The following ABCB1 variants were observed in gnomAD, a reference collection of about 807,000 sequenced individuals.
The protein encoded by ABCB1 is ATP-dependent translocase ABCB1.
Under a neutral mutation model 142.0 loss-of-function variants are expected in ABCB1, and 69 were observed. That is an observed-to-expected ratio of 0.49 (90% CI 0.40 to 0.59). The LOEUF (loss-of-function observed/expected upper bound fraction) is 0.59. Ranked by LOEUF, ABCB1 falls within the 20% of genes least tolerant of loss-of-function variation. The pLI is 0.00. For missense variants in ABCB1, 1,326 were observed against 1,554.7 expected (o/e 0.85, Z 2.47); for synonymous variants, 532 against 539.2 (o/e 0.99, Z 0.18).
At chr7:87,536,759 G>A (rs925612319) in intron 19 of ABCB1, among the ~76,000 whole-genome samples, 5 of 152,112 alleles carry the variant, frequency 3.3e-5, no homozygotes, top group Admixed American at 1.3e-4. Flanking sequence ...TTTCTCCTAC[G>A]CATGATTTCT....
chr7:87,666,297 GTGTC>G (rs923790889), intron 1 of ABCB1, among the ~76,000 whole-genome samples: 35 of 152,094 alleles, frequency 2.3e-4, no homozygotes, highest in African/African-American at 8.0e-4. Context: ...CCTTTGAAAA[GTGTC>G]TGTTCATGTC....
chr7:87,564,006 C>T (rs889039298), intron 7 of ABCB1: 1 of 278,862 alleles, frequency 3.6e-6, no homozygotes, highest in African/African-American at 2.3e-5. Flanking sequence ...CACACTGGGG[C>T]CTATTAGAGG....
At chr7:87,517,430 C>T (rs1054146167) in intron 23 of ABCB1, among the ~76,000 whole-genome samples, 2 of 152,120 alleles carry the variant, frequency 1.3e-5, no homozygotes, top group Non-Finnish European at 2.9e-5. Flanking sequence ...GAGGATGAGG[C>T]ACACATGGAG....
intron 21 of ABCB1, among the ~76,000 whole-genome samples, chr7:87,529,717 C>A (rs1815946801): frequency 6.6e-6 from 1 of 152,236 alleles, no homozygotes; most frequent in African/African-American, 2.4e-5. Context: ...ACACTGTTAA[C>A]TAGAATGCTT....
At chr7:87,522,645 T>C (rs1227400041) in intron 21 of ABCB1, among the ~76,000 whole-genome samples, 1 of 152,168 alleles carries the variant, frequency 6.6e-6, no homozygotes, top group African/African-American at 2.4e-5. Flanking sequence ...CTGTGGAAAG[T>C]GTAAAGCATT....
intron 1 of ABCB1, among the ~76,000 whole-genome samples, chr7:87,698,992 C>T (rs1409740151): frequency 1.3e-5 from 2 of 152,138 alleles, no homozygotes; most frequent in East Asian, 3.9e-4. Context: ...AATTCAAATG[C>T]TTACATCTTC....
In ABCB1 at chr7:87,519,480, A is replaced by G. The variant is rs778650321; in HGVS notation, c.2787-14T>C. 9.9e-6 allele frequency: 16 copies of G among 1,613,892 alleles called. No homozygotes were observed. Among genetic ancestry groups the G allele is most frequent in the Non-Finnish European group, 1.4e-5 (16 of 1,179,918 alleles). ...CTCAAAGAGTTTCTGAAAAGAAGAC[A>G]TTTGAAAACTCATTCCACTTTCATT... On this transcript the variant is annotated splice_polypyrimidine_tract_variant and intron_variant, in intron 22 of 27. Coordinates refer to ENST00000622132, the MANE Select transcript of ABCB1 (RefSeq NM_001348946.2).
chr7:87,548,036 AAGAT>A (rs1178416633), intron 14 of ABCB1, among the ~76,000 whole-genome samples: 30 of 147,238 alleles, frequency 2.0e-4, no homozygotes, highest in Admixed American at 6.1e-4. Flanking sequence ...AAGATAAGAT[AAGAT>A]AAGAAAAGAA....
chr7:87,586,280 T>C (rs927660238), intron 3 of ABCB1, among the ~76,000 whole-genome samples: 7 of 152,196 alleles, frequency 4.6e-5, no homozygotes, highest in African/African-American at 1.4e-4. Context: ...ATGACCCACG[T>C]TGGAGATCTG....
intron 1 of ABCB1, among the ~76,000 whole-genome samples, chr7:87,624,660 C>A (rs1169715168): frequency 6.6e-6 from 1 of 151,970 alleles, no homozygotes; most frequent in African/African-American, 2.4e-5. Flanking sequence ...AAATAGGTGC[C>A]AAAAGAAGTC....
In ABCB1 at chr7:87,708,449, G is replaced by A. The variant is rs1279251738; in HGVS notation, c.-331+4712C>T. 3.3e-5 allele frequency among the ~76,000 whole-genome samples: 5 copies of A among 152,110 alleles called. No homozygotes were observed. The East Asian group carries it at 7.7e-4, about 23-fold the overall frequency. Reference sequence around the variant, plus strand: ...TACTCACCAAAACTAACACGAAAAGGATGGAAATATCTGGATATGTGATAT... The same window carrying A: ...TACTCACCAAAACTAACACGAAAAGAATGGAAATATCTGGATATGTGATAT... On this transcript the variant is annotated intron_variant, in intron 1 of 28. Coordinates refer to the ABCB1 transcript ENST00000265724.
intron 3 of ABCB1, among the ~76,000 whole-genome samples, chr7:87,588,980 T>G (rs1482877876): frequency 6.6e-6 from 1 of 152,216 alleles, no homozygotes; most frequent in African/African-American, 2.4e-5. Flanking sequence ...TTGCCCATCT[T>G]TTTATTGGGT....
chr7:87,545,601 G>A (rs967561365), intron 15 of ABCB1, among the ~76,000 whole-genome samples: 1 of 152,090 alleles, frequency 6.6e-6, no homozygotes, highest in Non-Finnish European at 1.5e-5. Context: ...TTTAAATGCT[G>A]TACAGACACA....
chr7:87,698,805 G>T (rs28381729), intron 1 of ABCB1, among the ~76,000 whole-genome samples: 1 of 152,298 alleles, frequency 6.6e-6, no homozygotes, highest in African/African-American at 2.4e-5. Context: ...GGAGAAGTAA[G>T]CACAGGGTCC....
intron 23 of ABCB1, 67 bp from the exon 24 acceptor site, chr7:87,516,732 T>A (rs78233705): frequency 5.2e-5 from 8 of 152,826 alleles, no homozygotes; most frequent in Non-Finnish European, 8.6e-5. Context: ...CTGACACTCC[T>A]TTTTTTTTTT....
intron 1 of ABCB1, among the ~76,000 whole-genome samples, chr7:87,622,564 T>G (rs576161377): frequency 1.1e-4 from 16 of 152,278 alleles, no homozygotes; most frequent in Non-Finnish European, 2.2e-4. Context: ...GAATAAAAAA[T>G]GAAAGCCTGA....
At chr7:87,627,460 A>C (rs941932476) in intron 1 of ABCB1, 1 of 152,254 alleles carries the variant, frequency 6.6e-6, no homozygotes, top group Non-Finnish European at 1.5e-5. Context: ...AACCTGTTCT[A>C]TGTACAGCAC....
At chr7:87,566,021 G>C (rs1183766101) in intron 7 of ABCB1, 49 bp downstream of exon 7, 3 of 1,599,322 alleles carry the variant, frequency 1.9e-6, no homozygotes, top group Non-Finnish European at 2.6e-6. Flanking sequence ...GGTGAGAGCA[G>C]GAAGGGAGAA....
At chr7:87,629,919 T>C (rs1470521377) in intron 1 of ABCB1, among the ~76,000 whole-genome samples, 2 of 137,202 alleles carry the variant, frequency 1.5e-5, no homozygotes, top group Admixed American at 1.4e-4. Flanking sequence ...GGAGACTTCG[T>C]CAAAAAAAAA....
Sources: gnomAD v4.1 joint callset for allele counts (sites outside exome capture counted in the v4.1 genomes callset) on GRCh38, gnomAD v4.1.1 for gene constraint, MANE v1.5 for transcripts, NCBI Gene and HGNC (gene_info 2026-07-23, HGNC 2026-07-21) for gene names.